MTSS1: variants seen among roughly 807,000 people sequenced by gnomAD.
MTSS1 encodes protein MTSS 1.
A neutral mutation model predicts 79.0 loss-of-function variants in MTSS1; 18 were observed. That is an observed-to-expected ratio of 0.23 (90% CI 0.16 to 0.34). MTSS1 has a LOEUF of 0.34. MTSS1 is among the 10% of genes least tolerant of loss of function. MTSS1 has a pLI of 1.00. For synonymous variants in MTSS1, 341 were observed against 368.6 expected (o/e 0.93, Z 0.86); for missense variants, 815 against 986.2 (o/e 0.83, Z 2.33).
At chr8:124,568,923 C>T in intron 6 of MTSS1, 1 of 1,280,834 alleles carries the variant, frequency 7.8e-7, no homozygotes, top group Non-Finnish European at 1.0e-6. Flanking sequence ...AGGTAAGAGC[C>T]TGTGGGTGTT....
chr8:124,637,644 G>A (rs1385207540), intron 3 of MTSS1, among the ~76,000 whole-genome samples: 1 of 152,208 alleles, frequency 6.6e-6, no homozygotes, highest in Non-Finnish European at 1.5e-5. Context: ...GAAACAGGTG[G>A]TCACCTCCTC....
intron 3 of MTSS1, among the ~76,000 whole-genome samples, chr8:124,678,672 C>T (rs1007854405): frequency 2.0e-5 from 3 of 152,202 alleles, no homozygotes; most frequent in Non-Finnish European, 2.9e-5. Flanking sequence ...TCCCACAACT[C>T]GTAAGGATTA....
intron 5 of MTSS1, 79 bp from the exon 6 acceptor site, chr8:124,585,240 T>C: frequency 9.8e-7 from 1 of 1,018,782 alleles, no homozygotes; most frequent in South Asian, 1.3e-5. Flanking sequence ...AGCCATTACA[T>C]TTATCACAGA....
In MTSS1 at chr8:124,727,841, G is replaced by C. The variant is rs1833968174; in HGVS notation, c.72+43C>G. The C allele has an allele frequency of 2.0e-6, 3 of 1,532,546 alleles. No homozygotes were observed. The highest frequency in any genetic ancestry group is 2.6e-6 in the Non-Finnish European group (3 of 1,141,016). The allele number at this position is 1,532,546 out of a possible 1,614,324, so 94.9% of individuals were successfully genotyped here. A position where few individuals can be genotyped will look rare whatever the true frequency, so the allele number is the denominator to read the frequency against. ...GAGGCGAAGCGCGGCGGCGAGGTCAGAGCGCGGCGGCCGGCGCCGCAGCCG... is the reference window on the plus strand; with the variant it reads ...GAGGCGAAGCGCGGCGGCGAGGTCACAGCGCGGCGGCCGGCGCCGCAGCCG... On this transcript the variant is annotated intron_variant, in intron 1 of 13. Transcript: ENST00000518547. This position sits in a 1 kb window ranked among gnomAD's most constrained non-coding sequence, Gnocchi z 4.7.
At chr8:124,604,745 T>G (rs1834505498) in intron 3 of MTSS1, among the ~76,000 whole-genome samples, 1 of 152,212 alleles carries the variant, frequency 6.6e-6, no homozygotes, top group Admixed American at 6.5e-5. Context: ...GACACCATTG[T>G]GCCCACACAC....
chr8:124,556,470 C>T (rs1823823940), intron 11 of MTSS1, 65 bp from the exon 12 acceptor site: 5 of 1,493,036 alleles, frequency 3.3e-6, no homozygotes, highest in Middle Eastern at 2.1e-4. Flanking sequence ...GCGGGGACCC[C>T]ATAGACAGCT....
rs529811638 is a variant in MTSS1, at chr8:124,596,176, G to A, written c.209-4941C>T. 6.3e-4 allele frequency among the ~76,000 whole-genome samples: 96 copies of A among 152,214 alleles called. 1 individual carries two copies. Among genetic ancestry groups the A allele is most frequent in the Non-Finnish European group, 8.8e-4 (60 of 68,010 alleles). On this transcript the variant is annotated intron_variant, in intron 3 of 13. Transcript: ENST00000518547. ...TGGGCCTGGCACCCCAGTTTTGCAAGCATATTCATTTTCTTATTTTTAGAG... is the reference window on the plus strand; with the variant it reads ...TGGGCCTGGCACCCCAGTTTTGCAAACATATTCATTTTCTTATTTTTAGAG...
chr8:124,616,578 C>T (rs940039167), intron 3 of MTSS1, among the ~76,000 whole-genome samples: 3 of 151,986 alleles, frequency 2.0e-5, no homozygotes, highest in Admixed American at 6.6e-5. Flanking sequence ...CATAAGCAGA[C>T]GGAAACGGAT....
In MTSS1 at chr8:124,555,651, T is replaced by C. The variant is rs75248038; in HGVS notation, c.1567+91A>G. 3.5e-4 allele frequency: 484 copies of C among 1,370,776 alleles called. 1 individual carries two copies. The African/African-American group carries it at 6.1e-3, about 17-fold the overall frequency. 84.9% of individuals were successfully genotyped at this position (1,370,776 alleles called of 1,614,324 possible). A position where few individuals can be genotyped will look rare whatever the true frequency, so the allele number is the denominator to read the frequency against. On this transcript the variant is annotated intron_variant, in intron 13 of 13. Transcript: ENST00000518547. The stretch of plus-strand genomic sequence containing the variant: ...CTGACACCTGTTAGTTAGCGAGTGG[T>C]GGGTTGTGGTTAAAATGGACCAGCA...
At chr8:124,629,473 G>A (rs946430179) in intron 3 of MTSS1, among the ~76,000 whole-genome samples, 3 of 124,290 alleles carry the variant, frequency 2.4e-5, no homozygotes, top group South Asian at 2.5e-4. Context: ...CCAAGATCAC[G>A]CCACTGCACT....
chr8:124,677,389 T>G (rs1306041138), intron 3 of MTSS1, among the ~76,000 whole-genome samples: 1 of 152,174 alleles, frequency 6.6e-6, no homozygotes, highest in African/African-American at 2.4e-5. Context: ...GGCCCTTTGG[T>G]CTCTGCTGTG....
chr8:124,579,653 G>A (rs1456803367), intron 6 of MTSS1: 1 of 152,140 alleles, frequency 6.6e-6, no homozygotes, highest in African/African-American at 2.4e-5. Context: ...TTTAAAGTTG[G>A]GGAACCACTA....
chr8:124,564,981 C>G (rs1364594943), intron 9 of MTSS1, among the ~76,000 whole-genome samples: 1 of 152,120 alleles, frequency 6.6e-6, no homozygotes, highest in Non-Finnish European at 1.5e-5. Flanking sequence ...ACTACTATAC[C>G]AAGAGAGATA....
Position 124,568,398 on chromosome 8 carries a change from G to A in MTSS1, c.599C>T (p.Ser200Phe), listed in dbSNP as rs1202201655. The part of the protein sequence containing the change: ...EERGRFCTFI[S>F]MLRPVIEEEI... ...ACTTACAATCACTGGCCGCAGCATA[G>A]AGATGAAGGTACAGAATCGGCCACG... The change falls in exon 7 of 14, where the codon TCT becomes TTT. Residue 200 changes from serine to phenylalanine, a missense_variant. Ser to Phe is a radical substitution (Grantham distance 155). Transcript: ENST00000518547. 8 of 1,613,720 alleles carry A rather than the reference G, an allele frequency of 5.0e-6. No individual in the cohort carries two copies. Among genetic ancestry groups the A allele is most frequent in the Non-Finnish European group, 6.8e-6 (8 of 1,179,732 alleles).
chr8:124,635,165 T>C (rs903710691), intron 3 of MTSS1, among the ~76,000 whole-genome samples: 1 of 152,210 alleles, frequency 6.6e-6, no homozygotes, highest in Non-Finnish European at 1.5e-5. Flanking sequence ...TCTAGCTCTT[T>C]CTTCCTATAA....
intron 3 of MTSS1, among the ~76,000 whole-genome samples, chr8:124,696,513 G>A (rs1259414789): frequency 4.6e-5 from 7 of 151,998 alleles, no homozygotes; most frequent in Admixed American, 3.9e-4. Context: ...TAAACAGAAA[G>A]TATCCTGGCA....
chr8:124,637,570 G>A (rs1013782847), intron 3 of MTSS1, among the ~76,000 whole-genome samples: 1 of 152,164 alleles, frequency 6.6e-6, no homozygotes, highest in Non-Finnish European at 1.5e-5. Flanking sequence ...CAGGAGGGAG[G>A]GGGTTAGATC....
chr8:124,630,300 C>T (rs1313301315), intron 3 of MTSS1, among the ~76,000 whole-genome samples: 1 of 151,440 alleles, frequency 6.6e-6, no homozygotes, highest in Admixed American at 6.6e-5. Flanking sequence ...CATCCATCAA[C>T]AGAGTCACCA....
intron 3 of MTSS1, among the ~76,000 whole-genome samples, chr8:124,682,989 T>C (rs1420945847): frequency 1.3e-5 from 2 of 152,212 alleles, no homozygotes; most frequent in African/African-American, 4.8e-5. Context: ...CAAATGGTCA[T>C]CCCAGCCCTT....
Sources: allele counts gnomAD v4.1 joint callset (sites outside exome capture counted in the v4.1 genomes callset), GRCh38; gene constraint gnomAD v4.1.1; non-coding constraint Gnocchi (gnomAD v3.1); transcripts MANE v1.5; gene names NCBI Gene and HGNC (gene_info 2026-07-23, HGNC 2026-07-21).